MARCHF1: variants seen among roughly 807,000 people sequenced by gnomAD.
The protein encoded by MARCHF1 is membrane associated ring-CH-type finger 1, also known as E3 ubiquitin-protein ligase MARCHF1.
In MARCHF1, 40 loss-of-function variants were observed where a neutral mutation model predicts 54.2. That is an observed-to-expected ratio of 0.74 (90% confidence interval 0.57 to 0.96). MARCHF1 has a LOEUF of 0.96. Among genes scored for constraint, MARCHF1 ranks in the 40% least tolerant of loss-of-function variants. The pLI, the probability that MARCHF1 is intolerant of heterozygous loss-of-function variation, is 0.00. For synonymous variants in MARCHF1, 236 were observed against 236.3 expected, an observed-to-expected ratio of 1.00 and a Z score of 0.01; for missense variants, 586 against 656.5, an observed-to-expected ratio of 0.89 and a Z score of 1.17.
At chr4:164,351,258 C>G (rs551057033) in intron 1 of MARCHF1, among the ~76,000 whole-genome samples, 21 of 148,196 alleles carry the variant, frequency 1.4e-4, no homozygotes, top group African/African-American at 4.2e-4. Context: ...GTGGAGCCCA[C>G]GACAGCTCAA....
At chr4:164,195,451 A>C (rs1191408863) in intron 1 of MARCHF1, among the ~76,000 whole-genome samples, 6 of 152,178 alleles carry the variant, frequency 3.9e-5, no homozygotes, top group African/African-American at 9.7e-5. Context: ...AAACTAAGTA[A>C]GATATATACC....
intron 4 of MARCHF1, among the ~76,000 whole-genome samples, chr4:163,840,468 G>T (rs1027701556): frequency 6.6e-6 from 1 of 151,978 alleles, no homozygotes; most frequent in African/African-American, 2.4e-5. Context: ...CTGAAGTTTG[G>T]GGTACAACTG....
intron 2 of MARCHF1, among the ~76,000 whole-genome samples, chr4:164,057,007 C>G (rs1037773524): frequency 6.6e-6 from 1 of 152,036 alleles, no homozygotes; most frequent in Non-Finnish European, 1.5e-5. Flanking sequence ...ATCCAGGCAC[C>G]AGGGAGTTCC....
intron 1 of MARCHF1, among the ~76,000 whole-genome samples, chr4:164,290,867 G>A (rs1734268089): frequency 6.6e-6 from 1 of 151,850 alleles, no homozygotes; most frequent in African/African-American, 2.4e-5. Flanking sequence ...TCTAGAAATA[G>A]ACACATTTCT....
intron 4 of MARCHF1, among the ~76,000 whole-genome samples, chr4:163,852,506 C>T (rs976793149): frequency 1.3e-5 from 2 of 152,086 alleles, no homozygotes; most frequent in African/African-American, 4.8e-5. Flanking sequence ...AACTCATGCC[C>T]CACAGTTTTG....
At chr4:163,611,941 T>C (rs1450923582) in intron 7 of MARCHF1, among the ~76,000 whole-genome samples, 1 of 152,106 alleles carries the variant, frequency 6.6e-6, no homozygotes, top group African/African-American at 2.4e-5. Flanking sequence ...AAGTCTAACA[T>C]TTCACACAGT....
chr4:163,678,067 T>A (rs1312743940), intron 5 of MARCHF1, among the ~76,000 whole-genome samples: 1 of 152,236 alleles, frequency 6.6e-6, no homozygotes, highest in Non-Finnish European at 1.5e-5. Flanking sequence ...GACTCTTCCT[T>A]CTTAGCTCAA....
At chr4:164,190,485 G>A (rs545601681) in intron 1 of MARCHF1, 7 of 299,752 alleles carry the variant, frequency 2.3e-5, no homozygotes, top group African/African-American at 8.8e-5. Flanking sequence ...GGCTGTTTAC[G>A]GCTTTTCATT....
chr4:164,137,670 A>G (rs562246036), intron 1 of MARCHF1, among the ~76,000 whole-genome samples: 2 of 152,280 alleles, frequency 1.3e-5, no homozygotes, highest in East Asian at 1.9e-4. Context: ...AAACACATTA[A>G]CCTCTTAATT....
chr4:164,027,135 A>G (rs1368013983), intron 2 of MARCHF1, among the ~76,000 whole-genome samples: 1 of 152,110 alleles, frequency 6.6e-6, no homozygotes, highest in Non-Finnish European at 1.5e-5. Flanking sequence ...AAAAATCAAT[A>G]TTGTTAAAAT....
intron 4 of MARCHF1, among the ~76,000 whole-genome samples, chr4:163,797,333 A>ATG (rs900358776): frequency 4.7e-4 from 48 of 102,178 alleles, no homozygotes; most frequent in African/African-American, 9.7e-4. Flanking sequence ...TACGGTGTGT[A>ATG]TGTGTGTGTG....
At chr4:163,846,961 C>T (rs1467322970) in intron 4 of MARCHF1, among the ~76,000 whole-genome samples, 2 of 151,966 alleles carry the variant, frequency 1.3e-5, no homozygotes, top group African/African-American at 4.8e-5. Flanking sequence ...GTATGATATC[C>T]AGAGAATGGC....
At chr4:163,685,348 C>G (rs1004970755) in intron 5 of MARCHF1, among the ~76,000 whole-genome samples, 3 of 152,102 alleles carry the variant, frequency 2.0e-5, no homozygotes, top group African/African-American at 7.2e-5. Flanking sequence ...TTTAATTATC[C>G]TATTCCCCTT....
chr4:164,121,667 A>G (rs1756069585), intron 1 of MARCHF1, among the ~76,000 whole-genome samples: 1 of 152,090 alleles, frequency 6.6e-6, no homozygotes, highest in South Asian at 2.1e-4. Context: ...AACCATATCA[A>G]ACCAGTAACC....
rs188085243 is a variant in MARCHF1, at chr4:164,317,560, C to T, written c.-323+66310G>A. On this transcript the variant is annotated intron_variant, in intron 1 of 9. Transcript: ENST00000514618. ...TTTCAAAAGAGATTCCCTAAATACC[C>T]CATACACGTCTGCCCTTGTCTCATT... Among the ~76,000 whole-genome samples the T allele has an allele frequency of 2.6e-3, 401 of 152,198 alleles. 1 individual carries two copies. Among genetic ancestry groups the T allele is most frequent in the African/African-American group, 8.8e-3 (365 of 41,516 alleles).
At chr4:163,892,055 A>G (rs1416702695) in intron 3 of MARCHF1, among the ~76,000 whole-genome samples, 1 of 152,172 alleles carries the variant, frequency 6.6e-6, no homozygotes. Context: ...GCTCACTGAC[A>G]TTGTAACAAT....
intron 4 of MARCHF1, among the ~76,000 whole-genome samples, chr4:163,708,669 C>T (rs1007506788): frequency 6.6e-6 from 1 of 152,030 alleles, no homozygotes; most frequent in Non-Finnish European, 1.5e-5. Context: ...TATGCATGCA[C>T]ATGTTTGTGT....
intron 2 of MARCHF1, among the ~76,000 whole-genome samples, chr4:164,101,304 G>A (rs1211504838): frequency 2.0e-5 from 3 of 151,084 alleles, no homozygotes; most frequent in African/African-American, 7.3e-5. Flanking sequence ...TCCACCTCTG[G>A]GGGCAGGGCA....
intron 7 of MARCHF1, among the ~76,000 whole-genome samples, chr4:163,602,672 G>A (rs1182421944): frequency 6.6e-6 from 1 of 152,102 alleles, no homozygotes; most frequent in Non-Finnish European, 1.5e-5. Context: ...ACTTTCTTAA[G>A]AGTCTGTTAC....
Sources: gnomAD v4.1 joint callset for allele counts (sites outside exome capture counted in the v4.1 genomes callset) on GRCh38, gnomAD v4.1.1 for gene constraint, MANE v1.5 for transcripts, NCBI Gene and HGNC (gene_info 2026-07-23, HGNC 2026-07-21) for gene names.